The following ERMP1 variants were observed in gnomAD, a reference collection of about 807,000 sequenced individuals.
ERMP1 encodes the protein endoplasmic reticulum metallopeptidase 1.
Under a neutral mutation model 92.0 loss-of-function variants are expected in ERMP1, and 86 were observed. That is an observed-to-expected ratio of 0.93 (90% CI 0.79 to 1.12). The LOEUF (loss-of-function observed/expected upper bound fraction) is 1.12, where lower values mean the gene tolerates loss of function less well. Ranked by LOEUF, ERMP1 falls within the 50% of genes most tolerant of loss-of-function variation. The probability of loss-of-function intolerance (pLI) is 0.00; values close to 1 mark genes in which losing one functional copy is unlikely to be tolerated. For synonymous variants in ERMP1, 530 were observed against 412.8 expected, an observed-to-expected ratio of 1.28 and a Z score of -3.44; for missense variants, 1,342 against 1,116.3, an observed-to-expected ratio of 1.20 and a Z score of -2.88.
At chr9:5,829,089 C>G (rs552677223) in intron 2 of ERMP1, among the ~76,000 whole-genome samples, 7 of 151,456 alleles carry the variant, frequency 4.6e-5, no homozygotes, top group African/African-American at 1.7e-4. Context: ...GCCAAAAATA[C>G]AAAAAAAATC....
intron 4 of ERMP1, 77 bp from the exon 5 acceptor site, chr9:5,813,112 G>C: frequency 1.3e-6 from 2 of 1,512,226 alleles, no homozygotes; most frequent in Middle Eastern, 1.7e-4. Context: ...TCAACACATA[G>C]AAAACAGTAA....
intron 3 of ERMP1, among the ~76,000 whole-genome samples, chr9:5,824,549 C>G (rs1381115941): frequency 6.6e-6 from 1 of 152,070 alleles, no homozygotes; most frequent in Non-Finnish European, 1.5e-5. Flanking sequence ...ATTACAGGCA[C>G]CCACCACCAC....
chr9:5,837,319 C>A (rs1374706870), upstream of ERMP1, among the ~76,000 whole-genome samples: 3 of 152,014 alleles, frequency 2.0e-5, no homozygotes, highest in African/African-American at 7.2e-5. Flanking sequence ...AAATTAGAAC[C>A]TCATACCATA....
intron 5 of ERMP1, 36 bp from the exon 6 acceptor site, chr9:5,812,253 G>C (rs1829126541): frequency 3.9e-6 from 5 of 1,289,470 alleles, no homozygotes; most frequent in Non-Finnish European, 5.4e-6. Context: ...AAGTCATTTT[G>C]CTTTAAAGAT....
intron 13 of ERMP1, among the ~76,000 whole-genome samples, chr9:5,797,178 A>G (rs1828462721): frequency 6.6e-6 from 1 of 151,570 alleles, no homozygotes; most frequent in South Asian, 2.1e-4. Flanking sequence ...CTAAGACTAC[A>G]GGCATGCACC....
At chr9:5,800,399 G>A (rs754107098) in intron 11 of ERMP1, among the ~76,000 whole-genome samples, 2 of 152,190 alleles carry the variant, frequency 1.3e-5, no homozygotes, top group African/African-American at 4.8e-5. Context: ...AACTGGCCAG[G>A]TGTGGTGGCT....
chr9:5,840,672 C>T (rs1208372865), intron 6 of ERMP1, among the ~76,000 whole-genome samples: 1 of 152,194 alleles, frequency 6.6e-6, no homozygotes, highest in South Asian at 2.1e-4. Context: ...CTGTAACCTG[C>T]GGTGTATCCT....
intron 2 of ERMP1, among the ~76,000 whole-genome samples, chr9:5,829,907 A>C (rs1164350519): frequency 6.6e-6 from 1 of 152,252 alleles, no homozygotes; most frequent in Non-Finnish European, 1.5e-5. Flanking sequence ...TGAAAAATAA[A>C]TATTTTAATA....
upstream of ERMP1, among the ~76,000 whole-genome samples, chr9:5,835,078 C>G (rs951863715): frequency 6.6e-6 from 1 of 151,004 alleles, no homozygotes; most frequent in Non-Finnish European, 1.5e-5. Context: ...AATTTTCCTT[C>G]TCATGAAATC....
intron 1 of ERMP1, among the ~76,000 whole-genome samples, chr9:5,831,630 G>C (rs975012208): frequency 2.6e-5 from 4 of 152,112 alleles, no homozygotes; most frequent in African/African-American, 9.7e-5. Context: ...AAAAGCTAAA[G>C]ACTAAGCAGG....
chr9:5,835,547 A>G (rs572295887), upstream of ERMP1, among the ~76,000 whole-genome samples: 1 of 152,286 alleles, frequency 6.6e-6, no homozygotes, highest in East Asian at 1.9e-4. Flanking sequence ...AAGCCTGGGG[A>G]GAGAATGTTC....
chr9:5,812,205 G>A lies in ERMP1; in HGVS notation c.1034C>T (p.Ala345Val). The change falls in exon 6 of 15, where the codon GCT becomes GTT. Residue 345 changes from alanine to valine, a missense_variant. Physicochemically the swap from Ala to Val is moderately conservative, Grantham distance 64 (BLOSUM62 0). Coordinates refer to ENST00000339450, the MANE Select transcript of ERMP1 (RefSeq NM_024896.3). ...ATAAATGTATCCATTCTCAATAAAA[G>A]CTAAGTCTATTCCTAAAACATATAT... ...DFGNIPGIDL[A>V]FIENGYIYHT... The A allele has an allele frequency of 6.3e-7, 1 of 1,595,124 alleles. No homozygotes were observed. Among genetic ancestry groups the A allele is most frequent in the Non-Finnish European group, 8.6e-7 (1 of 1,167,582 alleles).
intron 6 of ERMP1, among the ~76,000 whole-genome samples, chr9:5,856,605 G>C (rs527914000): frequency 5.9e-5 from 9 of 152,144 alleles, no homozygotes; most frequent in Admixed American, 5.9e-4. Flanking sequence ...AGCCCTGTGC[G>C]GGGACTAACT....
At chr9:5,797,722 GGTTCCT>G (rs1372587947) in intron 13 of ERMP1, 89 bp downstream of exon 13, 1 of 749,390 alleles carries the variant, frequency 1.3e-6, no homozygotes, top group African/African-American at 1.8e-5. Context: ...CTAAGTTGCT[GGTTCCT>G]GTGATATATC....
At chr9:5,856,071 G>A (rs992735659) in intron 6 of ERMP1, 14 of 383,698 alleles carry the variant, frequency 3.6e-5, no homozygotes, top group Non-Finnish European at 5.7e-5. Context: ...TGAATCCAAC[G>A]TCGGCTGAGA....
intron 6 of ERMP1, among the ~76,000 whole-genome samples, chr9:5,858,394 A>T (rs955714766): frequency 6.6e-6 from 1 of 152,218 alleles, no homozygotes; most frequent in Non-Finnish European, 1.5e-5. Flanking sequence ...GAGGACAAGC[A>T]AGACTTGGGC....
chr9:5,809,730 C>T (rs189532086), intron 8 of ERMP1, among the ~76,000 whole-genome samples: 1 of 152,344 alleles, frequency 6.6e-6, no homozygotes, highest in Non-Finnish European at 1.5e-5. Context: ...TATTTACAAA[C>T]ACTGCAGCAA....
chr9:5,792,789 C>G (rs1440780863), intron 13 of ERMP1, among the ~76,000 whole-genome samples: 1 of 152,132 alleles, frequency 6.6e-6, no homozygotes, highest in East Asian at 1.9e-4. Context: ...GACAGACATA[C>G]TGCAAGCTCC....
intron 13 of ERMP1, among the ~76,000 whole-genome samples, chr9:5,790,453 A>T (rs934158843): frequency 1.3e-5 from 2 of 152,228 alleles, no homozygotes; most frequent in African/African-American, 4.8e-5. Flanking sequence ...AATAAAAATT[A>T]ATGTAAATAA....
Sources: allele counts gnomAD v4.1 joint callset (sites outside exome capture counted in the v4.1 genomes callset), GRCh38; gene constraint gnomAD v4.1.1; transcripts MANE v1.5; gene names NCBI Gene and HGNC (gene_info 2026-07-23, HGNC 2026-07-21).